Variants in ZRANB2 observed in about 807,000 individuals in gnomAD.
ZRANB2 encodes the protein zinc finger Ran-binding domain-containing protein 2.
ZRANB2 carries 19 observed loss-of-function variants against 53.4 expected under a neutral mutation model. The observed-to-expected ratio is 0.36, with a 90% CI of 0.25 to 0.52. ZRANB2 has a LOEUF of 0.52. Ranked by LOEUF, ZRANB2 falls within the 20% of genes least tolerant of loss-of-function variation. The probability of loss-of-function intolerance (pLI) is 0.93; values close to 1 mark genes in which losing one functional copy is unlikely to be tolerated. For missense variants in ZRANB2, 309 were observed against 401.1 expected (o/e 0.77, Z 1.96); for synonymous variants, 145 against 134.8 (o/e 1.08, Z -0.52).
At chr1:71,069,688 G>A (rs1661553504) in intron 7 of ZRANB2, 2 of 163,384 alleles carry the variant, frequency 1.2e-5, no homozygotes, top group African/African-American at 4.8e-5. Context: ...AAAACAGAAT[G>A]TTGCGATTTA....
At chr1:71,075,591 AG>A (rs1457492992) in intron 4 of ZRANB2, among the ~76,000 whole-genome samples, 1 of 152,138 alleles carries the variant, frequency 6.6e-6, no homozygotes, top group East Asian at 1.9e-4. Flanking sequence ...AAAGAGGGCC[AG>A]GGATGGCTGC....
intron 4 of ZRANB2, among the ~76,000 whole-genome samples, chr1:71,073,381 A>G (rs1661635281): frequency 6.6e-6 from 1 of 152,078 alleles, no homozygotes; most frequent in African/African-American, 2.4e-5. Flanking sequence ...CATACTCCAG[A>G]GCAGTATCAG....
intron 8 of ZRANB2, among the ~76,000 whole-genome samples, chr1:71,068,344 C>A (rs527346097): frequency 3.9e-5 from 6 of 152,146 alleles, no homozygotes; most frequent in Admixed American, 3.3e-4. Flanking sequence ...ATTTCATTTT[C>A]TTATTTATTT....
At chr1:71,071,083 C>T in intron 6 of ZRANB2, 87 bp from the exon 7 acceptor site, 1 of 1,098,202 alleles carries the variant, frequency 9.1e-7, no homozygotes, top group Non-Finnish European at 1.2e-6. Context: ...CTGAGCACCT[C>T]CATATGCATA....
chr1:71,073,206 T>C (rs185701387), intron 4 of ZRANB2, among the ~76,000 whole-genome samples: 7 of 152,240 alleles, frequency 4.6e-5, no homozygotes, highest in African/African-American at 1.2e-4. Context: ...ACAACCAATG[T>C]ATACAATTCA....
At chr1:71,072,744 GCTGTAC>G (rs1661621535) in intron 4 of ZRANB2, among the ~76,000 whole-genome samples, 196 bp from the exon 5 acceptor site, 4 of 152,072 alleles carry the variant, frequency 2.6e-5, no homozygotes, top group African/African-American at 9.7e-5. Context: ...ACGTCATATG[GCTGTAC>G]TTCTAGCTCT....
chr1:71,076,096 T>C (rs1466867037), intron 4 of ZRANB2, among the ~76,000 whole-genome samples: 1 of 151,874 alleles, frequency 6.6e-6, no homozygotes, highest in Non-Finnish European at 1.5e-5. Context: ...ATAGAAGGAA[T>C]CCTTTGATCA....
intron 1 of ZRANB2, 44 bp downstream of exon 1, chr1:71,080,896 C>T (rs757374512): frequency 6.2e-7 from 1 of 1,606,732 alleles, no homozygotes; most frequent in Non-Finnish European, 8.5e-7. Context: ...GGAAAGCTTC[C>T]ACTAACAAAC....
chr1:71,077,934 G>A (rs1661744972), intron 3 of ZRANB2, among the ~76,000 whole-genome samples: 1 of 152,096 alleles, frequency 6.6e-6, no homozygotes, highest in African/African-American at 2.4e-5. Flanking sequence ...ATACACATAG[G>A]ATTCATCTGC....
In ZRANB2 at chr1:71,064,000, C is replaced by T. The variant is rs1334195025; in HGVS notation, c.*1074G>A. 2 of 152,366 alleles carry T rather than the reference C, an allele frequency of 1.3e-5. No homozygotes were observed. The highest frequency in any genetic ancestry group is 4.8e-5 in the African/African-American group (2 of 41,424). The allele number at this position is 152,366 out of a possible 1,614,324, so 9.4% of individuals were successfully genotyped here. On this transcript the variant is annotated 3_prime_UTR_variant, in exon 10 of 10. Coordinates refer to ENST00000370920, the MANE Select transcript of ZRANB2 (RefSeq NM_203350.3). Reference sequence around the variant, plus strand: ...TTAAACCAGAAAACAAACTAAAGCTCATGTGACCAGATTTTAATTTTGAGA... The same window carrying T: ...TTAAACCAGAAAACAAACTAAAGCTTATGTGACCAGATTTTAATTTTGAGA...
At chr1:71,068,770 T>G (rs1661522859) in intron 8 of ZRANB2, among the ~76,000 whole-genome samples, 1 of 152,010 alleles carries the variant, frequency 6.6e-6, no homozygotes, top group South Asian at 2.1e-4. Context: ...TTTATTTACA[T>G]ATGTAATTTT....
chr1:71,070,859 T>G lies in ZRANB2; in HGVS notation c.651A>C (p.Ser217=). ...TAGACCTTGAACTTGAGGGGGAGGA[T>G]GAGCGTGATGAAGATCGTGAATGTG... ...RSSHSRSSSR[S]SSPSSSRSRS... The change falls in exon 7 of 10, where the codon TCA becomes TCC. Residue 217 remains serine (S), a synonymous_variant. Coordinates refer to ENST00000370920, the MANE Select transcript of ZRANB2 (RefSeq NM_203350.3). The G allele has an allele frequency of 1.2e-6, 2 of 1,605,140 alleles. No homozygotes were observed. The highest frequency in any genetic ancestry group is 1.7e-6 in the Non-Finnish European group (2 of 1,175,224).
intron 8 of ZRANB2, 57 bp from the exon 9 acceptor site, chr1:71,066,991 T>G (rs983522913): frequency 3.4e-6 from 5 of 1,486,656 alleles, no homozygotes; most frequent in Non-Finnish European, 4.5e-6. Flanking sequence ...TAAGGAAGAT[T>G]ATTTAGTTAT....
chr1:71,072,218 A>C lies in ZRANB2; in HGVS notation c.416T>G (p.Val139Gly). 1 of 1,611,436 alleles carries C rather than the reference A, an allele frequency of 6.2e-7. No homozygotes were observed. Among genetic ancestry groups the C allele is most frequent in the Non-Finnish European group, 8.5e-7 (1 of 1,179,104 alleles). ...TTCCTTTAATATAGATGCAGGACCA[A>C]CTGCTTTCCCTCTGTATTTTTTCTT... The part of the protein sequence containing the change: ...RKKKKYRGKA[V>G]GPASILKEVE... The change falls in exon 6 of 10, where the codon GTT (valine) becomes GGT (glycine). Residue 139 changes from valine to glycine, a missense_variant. Transcript: ENST00000370920.
At chr1:71,065,897 A>T (rs1661418915) in intron 9 of ZRANB2, 2 of 1,234,882 alleles carry the variant, frequency 1.6e-6, no homozygotes, top group African/African-American at 3.0e-5. Context: ...TTTTACAAAG[A>T]AACAAATGCA....
intron 1 of ZRANB2, among the ~76,000 whole-genome samples, chr1:71,079,503 C>T (rs1661787960): frequency 6.6e-6 from 1 of 152,158 alleles, no homozygotes; most frequent in Non-Finnish European, 1.5e-5. Context: ...GAATACAATA[C>T]AGATGTGAAG....
At position 71,069,344 on chromosome 1, in the gene ZRANB2, A is replaced by G. The variant is rs1661543581; in HGVS notation, c.702T>C (p.Ser234=). The change falls in exon 8 of 10, where the codon TCT becomes TCC. Residue 234 remains serine (S), a synonymous_variant. Coordinates refer to ENST00000370920, the MANE Select transcript of ZRANB2 (RefSeq NM_203350.3). ...AACGAGATCTTGACTGCGAACTGGA[A>G]GAACTTCTTGAACGGGACCTGGAAC... ...RSRSRSRSRS[S]SSSQSRSRSS... The G allele has an allele frequency of 1.2e-6, 2 of 1,613,128 alleles. No individual in the cohort carries two copies. Among genetic ancestry groups the G allele is most frequent in the Non-Finnish European group, 8.5e-7 (1 of 1,179,524 alleles).
chr1:71,063,846 T>C lies in ZRANB2; in HGVS notation c.*1228A>G, dbSNP rs1344733709. 3 of 152,360 alleles carry C rather than the reference T, an allele frequency of 2.0e-5. No homozygotes were observed. Among genetic ancestry groups the C allele is most frequent in the Non-Finnish European group, 4.4e-5 (3 of 67,858 alleles). 9.4% of individuals were successfully genotyped at this position (152,360 alleles called of 1,614,324 possible). A position where few individuals can be genotyped will look rare whatever the true frequency, so the allele number is the denominator to read the frequency against. On this transcript the variant is annotated 3_prime_UTR_variant, in exon 10 of 10. Coordinates refer to ENST00000370920, the MANE Select transcript of ZRANB2 (RefSeq NM_203350.3). ...TTTTTATTTAAATTGCAGCAGACAA[T>C]GTTACGGAAAAAAAACAAGAAATCA...
At chr1:71,069,617 T>A (rs1300903373) in intron 7 of ZRANB2, 1 of 247,514 alleles carries the variant, frequency 4.0e-6, no homozygotes, top group Non-Finnish European at 7.7e-6. Flanking sequence ...TATCACTTTA[T>A]TACAAAAACA....
Sources: allele counts gnomAD v4.1 joint callset (sites outside exome capture counted in the v4.1 genomes callset), GRCh38; gene constraint gnomAD v4.1.1; transcripts MANE v1.5; gene names NCBI Gene and HGNC (gene_info 2026-07-23, HGNC 2026-07-21).